The following RORA variants were observed in gnomAD, a reference collection of about 807,000 sequenced individuals.
The protein encoded by RORA is RAR related orphan receptor A, also known as nuclear receptor ROR-alpha.
RORA carries 7 observed loss-of-function variants against 69.5 expected under a neutral mutation model. The observed-to-expected ratio is 0.10, with a 90% CI of 0.06 to 0.19. RORA has a LOEUF of 0.19. Among genes scored for constraint, RORA ranks in the 10% least tolerant of loss-of-function variants. The pLI is 1.00. For synonymous variants in RORA, 261 were observed against 240.8 expected, an observed-to-expected ratio of 1.08 and a Z score of -0.78; for missense variants, 457 against 663.0, an observed-to-expected ratio of 0.69 and a Z score of 3.41.
intron 1 of RORA, among the ~76,000 whole-genome samples, chr15:60,858,744 TCA>T (rs2073406879): frequency 7.6e-6 from 1 of 132,158 alleles, no homozygotes; most frequent in African/African-American, 2.8e-5. Flanking sequence ...AAGCAAAACC[TCA>T]GTTTGGTCAA....
chr15:60,915,558 C>T (rs536331737), intron 1 of RORA, among the ~76,000 whole-genome samples: 28 of 152,244 alleles, frequency 1.8e-4, no homozygotes, highest in South Asian at 2.1e-4. Flanking sequence ...CAGTACAGTA[C>T]GTTCACCACT....
chr15:60,856,565 G>A lies in RORA; in HGVS notation c.167-177879C>T, dbSNP rs547320687. ...ATTTACAAGACAAAGATAAGTCATC[G>A]ATGCAAATGAATTAATACTTTTACA... On this transcript the variant is annotated intron_variant, in intron 1 of 10. Transcript: ENST00000335670. 5.3e-5 allele frequency among the ~76,000 whole-genome samples: 8 copies of A among 151,050 alleles called. No individual in the cohort carries two copies. The East Asian group carries it at 9.7e-4, about 18-fold the overall frequency.
chr15:60,922,955 A>T (rs1341286132), intron 1 of RORA, among the ~76,000 whole-genome samples: 1 of 152,248 alleles, frequency 6.6e-6, no homozygotes, highest in Non-Finnish European at 1.5e-5. Flanking sequence ...TATTTCCGGG[A>T]AGACAGACAA....
intron 1 of RORA, among the ~76,000 whole-genome samples, chr15:61,103,745 CT>C (rs1323935048): frequency 6.6e-6 from 1 of 152,184 alleles, no homozygotes; most frequent in African/African-American, 2.4e-5. Context: ...AGATAAAGAC[CT>C]TTATGTGTGG....
chr15:60,911,165 C>A (rs900281433), intron 1 of RORA, among the ~76,000 whole-genome samples: 2 of 143,220 alleles, frequency 1.4e-5, no homozygotes, highest in Admixed American at 7.1e-5. Flanking sequence ...GAATTCCTGA[C>A]CTCAGGTGAT....
intron 1 of RORA, among the ~76,000 whole-genome samples, chr15:60,829,277 G>C (rs1019956796): frequency 6.6e-6 from 1 of 152,174 alleles, no homozygotes; most frequent in Non-Finnish European, 1.5e-5. Context: ...GCAGGTCACT[G>C]CTGCCCGGAG....
At chr15:60,717,946 T>G (rs1208863532) in intron 1 of RORA, among the ~76,000 whole-genome samples, 1 of 151,898 alleles carries the variant, frequency 6.6e-6, no homozygotes, top group Non-Finnish European at 1.5e-5. Context: ...ATTACAGGCA[T>G]GCAGCACCAT....
At chr15:60,849,330 A>C (rs2073300004) in intron 1 of RORA, among the ~76,000 whole-genome samples, 1 of 152,272 alleles carries the variant, frequency 6.6e-6, no homozygotes, top group South Asian at 2.1e-4. Flanking sequence ...ACAGACAAGT[A>C]GCTCTTTGAA....
chr15:60,689,204 T>G (rs1215818393), intron 1 of RORA, among the ~76,000 whole-genome samples: 2 of 152,182 alleles, frequency 1.3e-5, no homozygotes, highest in Non-Finnish European at 2.9e-5. Flanking sequence ...TCAAAAGGTA[T>G]AGGCAGTGCA....
rs1567225232 is a variant in RORA, at chr15:60,884,679, C to G, written c.167-205993G>C. On this transcript the variant is annotated intron_variant, in intron 1 of 10. Coordinates refer to ENST00000335670, the MANE Select transcript of RORA (RefSeq NM_134261.3). ...TAGAGTTAGCAGTTACTGAAGTGGT[C>G]TGGAGTTTATTGACTCTATTAAGGT... Among the ~76,000 whole-genome samples, 3 of 152,258 alleles carry G rather than the reference C, an allele frequency of 2.0e-5. No individual in the cohort carries two copies. The South Asian group carries it at 6.2e-4, about 32-fold the overall frequency.
intron 1 of RORA, among the ~76,000 whole-genome samples, chr15:60,711,854 C>T (rs1167157732): frequency 6.6e-6 from 1 of 152,150 alleles, no homozygotes; most frequent in African/African-American, 2.4e-5. Context: ...ATTTAAAATA[C>T]CGCTACTGAA....
At chr15:60,609,961 A>AGTC (rs1183820600) in intron 2 of RORA, among the ~76,000 whole-genome samples, 1 of 152,180 alleles carries the variant, frequency 6.6e-6, no homozygotes, top group Non-Finnish European at 1.5e-5. Flanking sequence ...AAATAACAAA[A>AGTC]GTCCAGGGAC....
rs1057382187 is a variant in RORA at position 60,728,946 on chromosome 15, T to A, written c.167-50260A>T. ...TATTATTAATTGCATCTGGTAGAGGTCTCCCCTTGAGTTATCCCATCTGAA... is the reference window on the plus strand; with the variant it reads ...TATTATTAATTGCATCTGGTAGAGGACTCCCCTTGAGTTATCCCATCTGAA... On this transcript the variant is annotated intron_variant, in intron 1 of 10. Transcript: ENST00000335670. Among the ~76,000 whole-genome samples the A allele has an allele frequency of 2.0e-5, 3 of 152,236 alleles. No individual in the cohort carries two copies. The South Asian group carries it at 6.2e-4, about 32-fold the overall frequency.
intron 1 of RORA, among the ~76,000 whole-genome samples, chr15:60,912,805 A>G (rs1026459378): frequency 2.0e-5 from 3 of 151,198 alleles, no homozygotes; most frequent in Non-Finnish European, 4.4e-5. Flanking sequence ...AAAAAAAATC[A>G]CCACCTCTAG....
At chr15:60,588,627 A>G (rs1304417010) in intron 2 of RORA, among the ~76,000 whole-genome samples, 1 of 152,206 alleles carries the variant, frequency 6.6e-6, no homozygotes, top group Non-Finnish European at 1.5e-5. Context: ...GTCTCACTTG[A>G]GTGGGAGGGA....
At chr15:60,997,890 G>A (rs1331493991) in intron 1 of RORA, among the ~76,000 whole-genome samples, 1 of 152,170 alleles carries the variant, frequency 6.6e-6, no homozygotes, top group Non-Finnish European at 1.5e-5. Flanking sequence ...TAACCTCAAG[G>A]AAACCATTTA....
intron 1 of RORA, among the ~76,000 whole-genome samples, chr15:60,754,982 CTT>C (rs34892513): frequency 9.7e-5 from 14 of 144,774 alleles, no homozygotes; most frequent in Admixed American, 2.7e-4. Context: ...AGAGCTGAGT[CTT>C]TTTTTTTTTT....
At chr15:60,867,149 T>C (rs768720974) in intron 1 of RORA, among the ~76,000 whole-genome samples, 63 of 152,230 alleles carry the variant, frequency 4.1e-4, no homozygotes, top group Admixed American at 8.5e-4. Flanking sequence ...ACTCAGCCTT[T>C]TTGTATAAAC....
At chr15:60,711,654 T>C (rs892132841) in intron 1 of RORA, among the ~76,000 whole-genome samples, 7 of 152,208 alleles carry the variant, frequency 4.6e-5, no homozygotes, top group African/African-American at 1.7e-4. Context: ...TGGTGGCTAA[T>C]AAATTCGATT....
Sources: gnomAD v4.1 joint callset for allele counts (sites outside exome capture counted in the v4.1 genomes callset) on GRCh38, gnomAD v4.1.1 for gene constraint, MANE v1.5 for transcripts, NCBI Gene and HGNC (gene_info 2026-07-23, HGNC 2026-07-21) for gene names.